Variants in ATP9B observed in about 807,000 individuals in gnomAD.
The protein encoded by ATP9B is ATPase phospholipid transporting 9B.
Under a neutral mutation model 146.1 loss-of-function variants are expected in ATP9B, and 110 were observed. The observed-to-expected ratio is 0.75, with a 90% CI of 0.65 to 0.88. The LOEUF (loss-of-function observed/expected upper bound fraction) is 0.88. Among genes scored for constraint, ATP9B ranks in the 40% least tolerant of loss-of-function variants. ATP9B has a pLI of 0.00. For synonymous variants in ATP9B, 604 were observed against 569.7 expected (o/e 1.06, Z -0.86); for missense variants, 1,499 against 1,496.4 (o/e 1.00, Z -0.03).
chr18:79,332,096 T>G (rs1285630277), intron 17 of ATP9B, among the ~76,000 whole-genome samples: 1 of 152,240 alleles, frequency 6.6e-6, no homozygotes, highest in Non-Finnish European at 1.5e-5. Context: ...ATATTCTGCA[T>G]TGTTACAAGA....
intron 6 of ATP9B, among the ~76,000 whole-genome samples, chr18:79,147,208 C>A (rs1030724741): frequency 6.6e-6 from 1 of 151,858 alleles, no homozygotes; most frequent in African/African-American, 2.4e-5. Flanking sequence ...ATTCGTGAAT[C>A]AACAAGTGTC....
At chr18:79,377,183 G>T in intron 29 of ATP9B, 64 bp from the exon 30 acceptor site, 1 of 1,588,086 alleles carries the variant, frequency 6.3e-7, no homozygotes, top group South Asian at 1.1e-5. Context: ...GTCTGTGGCT[G>T]TGGCCATGAG....
chr18:79,164,803 T>G (rs2094940173), intron 7 of ATP9B, among the ~76,000 whole-genome samples: 1 of 152,172 alleles, frequency 6.6e-6, no homozygotes, highest in Non-Finnish European at 1.5e-5. Context: ...CTATAATTAG[T>G]TGAAAATGCA....
chr18:79,349,830 T>C (rs1353443685), intron 25 of ATP9B, among the ~76,000 whole-genome samples: 1 of 151,958 alleles, frequency 6.6e-6, no homozygotes, highest in Admixed American at 6.6e-5. Flanking sequence ...CCACACATGA[T>C]GTCCCCTTGG....
rs1401893870 is a variant in ATP9B at position 79,329,316 on chromosome 18, G to T, written c.1935+14G>T. The T allele has an allele frequency of 2.5e-6, 4 of 1,579,894 alleles. No individual in the cohort carries two copies. The highest frequency in any genetic ancestry group is 1.7e-4 in the Middle Eastern group (1 of 5,942). On this transcript the variant is annotated intron_variant, in intron 16 of 29. Coordinates refer to ENST00000426216, the MANE Select transcript of ATP9B (RefSeq NM_198531.5). ...GTCATCGTCAGGGTGAGGCTGCGGGGAGGGTGCCACGCGATGGCTTCAGAC... is the reference window on the plus strand; with the variant it reads ...GTCATCGTCAGGGTGAGGCTGCGGGTAGGGTGCCACGCGATGGCTTCAGAC...
At chr18:79,351,201 A>G (rs2096920517) in intron 25 of ATP9B, among the ~76,000 whole-genome samples, 1 of 152,270 alleles carries the variant, frequency 6.6e-6, no homozygotes, top group African/African-American at 2.4e-5. Context: ...TTTAAAAATC[A>G]TGGATTTGAA....
chr18:79,110,398 C>A lies in ATP9B; in HGVS notation c.337C>A (p.Leu113Met). 6.2e-7 allele frequency: 1 copy of A among 1,607,932 alleles called. No individual in the cohort carries two copies. Among genetic ancestry groups the A allele is most frequent in the Non-Finnish European group, 8.5e-7 (1 of 1,176,588 alleles). ...AAATATTTGTCGAAGAAAGAAAGAG[C>A]TGAAAGCTCGCACAGTATGGCTTGG... ...LINICRRKKE[L>M]KARTVWLGCP... Residue 113 changes from leucine (L) to methionine (M), a missense_variant, in exon 3 of 30, where the codon CTG becomes ATG. Physicochemically the swap from Leu to Met is conservative, Grantham distance 15. Transcript: ENST00000426216.
At position 79,345,461 on chromosome 18, in the gene ATP9B, G is replaced by T; in HGVS notation, c.2506G>T (p.Glu836Ter). ...CLKYYEHEFV[E>*]LACQCPAVVC... The stretch of plus-strand genomic sequence containing the variant: ...AAAGTACTACGAGCATGAATTTGTG[G>T]AGCTGGCCTGCCAGTGCCCTGCCGT... The change falls in exon 22 of 30, where the codon GAG becomes TAG. Residue 836 changes from glutamate to a stop codon, truncating the protein, a stop_gained. Coordinates refer to ENST00000426216, the MANE Select transcript of ATP9B (RefSeq NM_198531.5). LOFTEE classifies it high-confidence loss of function. 1 of 1,613,952 alleles carries T rather than the reference G, an allele frequency of 6.2e-7. No individual in the cohort carries two copies. Among genetic ancestry groups the T allele is most frequent in the Non-Finnish European group, 8.5e-7 (1 of 1,180,040 alleles).
At chr18:79,258,833 C>T (rs566874553) in intron 12 of ATP9B, among the ~76,000 whole-genome samples, 7 of 152,256 alleles carry the variant, frequency 4.6e-5, no homozygotes, top group East Asian at 1.9e-4. Flanking sequence ...ACAGGGTGCA[C>T]GCAGGGATGA....
intron 9 of ATP9B, among the ~76,000 whole-genome samples, chr18:79,196,760 T>C (rs1281311001): frequency 6.6e-6 from 1 of 152,204 alleles, no homozygotes; most frequent in Non-Finnish European, 1.5e-5. Flanking sequence ...AGGAAAGATA[T>C]ATCAAGCAAA....
chr18:79,089,642 A>T (rs1004729453), intron 1 of ATP9B, among the ~76,000 whole-genome samples: 1 of 152,184 alleles, frequency 6.6e-6, no homozygotes, highest in Non-Finnish European at 1.5e-5. Context: ...GTTATTATAG[A>T]TACATAATGT....
At chr18:79,337,230 A>G (rs749455261) in intron 18 of ATP9B, 49 bp from the exon 19 acceptor site, 2 of 1,605,204 alleles carry the variant, frequency 1.2e-6, no homozygotes, top group Admixed American at 3.4e-5. Flanking sequence ...TGGAGTCCAC[A>G]CACAGCACGT....
chr18:79,098,887 A>T (rs920745751), intron 2 of ATP9B, among the ~76,000 whole-genome samples: 1 of 152,166 alleles, frequency 6.6e-6, no homozygotes, highest in African/African-American at 2.4e-5. Flanking sequence ...TTGAAGAATG[A>T]ACATCAGTTA....
chr18:79,226,133 G>A (rs2095731841), intron 11 of ATP9B, among the ~76,000 whole-genome samples: 1 of 152,214 alleles, frequency 6.6e-6, no homozygotes, highest in Non-Finnish European at 1.5e-5. Flanking sequence ...TGGCCGCTCT[G>A]CCGCCCTCTC....
At chr18:79,282,724 C>T (rs757185641) in intron 13 of ATP9B, among the ~76,000 whole-genome samples, 5 of 152,110 alleles carry the variant, frequency 3.3e-5, no homozygotes, top group Admixed American at 1.3e-4. Flanking sequence ...TGGAACCAAG[C>T]GCTTCCCCTG....
intron 12 of ATP9B, among the ~76,000 whole-genome samples, chr18:79,257,663 G>A (rs577333656): frequency 6.6e-6 from 1 of 152,320 alleles, no homozygotes; most frequent in Admixed American, 6.5e-5. Flanking sequence ...CAGCAGAGAC[G>A]GCCTGTGGCT....
At position 79,307,142 on chromosome 18, in the gene ATP9B, C is replaced by T. The variant is rs113105643; in HGVS notation, c.1681C>T (p.Arg561Trp). The change falls in exon 15 of 30, where the codon CGG becomes TGG. Residue 561 changes from arginine to tryptophan, a missense_variant. Transcript: ENST00000426216. ...CHNVTPVYES[R>W]AGVTEETEFA... ...CAACGTGACCCCCGTGTATGAGTCT[C>T]GGGCCGGCGTTACTGAGGAGACTGA... 9 of 1,614,062 alleles carry T rather than the reference C, an allele frequency of 5.6e-6. No individual in the cohort carries two copies. Among genetic ancestry groups the T allele is most frequent in the African/African-American group, 5.3e-5 (4 of 74,920 alleles).
intron 11 of ATP9B, among the ~76,000 whole-genome samples, chr18:79,238,181 T>A (rs191295053): frequency 2.2e-4 from 34 of 152,212 alleles, no homozygotes; most frequent in Admixed American, 2.0e-3. Context: ...TAAGTACAGA[T>A]CCTAATCAGA....
intron 11 of ATP9B, among the ~76,000 whole-genome samples, chr18:79,220,670 G>GCA (rs1371176233): frequency 6.6e-6 from 1 of 152,138 alleles, no homozygotes; most frequent in Non-Finnish European, 1.5e-5. Context: ...GGCAAATTGA[G>GCA]CATCATTTCA....
Sources: gnomAD v4.1 joint callset for allele counts (sites outside exome capture counted in the v4.1 genomes callset) on GRCh38, gnomAD v4.1.1 for gene constraint, MANE v1.5 for transcripts, NCBI Gene and HGNC (gene_info 2026-07-23, HGNC 2026-07-21) for gene names.